PHOX2B: variants seen among roughly 807,000 people sequenced by gnomAD.
The protein encoded by PHOX2B is paired mesoderm homeobox protein 2B.
PHOX2B carries 1 observed loss-of-function variant against 15.5 expected under a neutral mutation model. The ratio of observed to expected loss-of-function variants is 0.06; its 90% CI spans 0.02 to 0.31. The LOEUF (loss-of-function observed/expected upper bound fraction) is 0.31, where lower values mean the gene tolerates loss of function less well. PHOX2B is among the 10% of genes least tolerant of loss of function. The probability of loss-of-function intolerance (pLI) is 1.00; values close to 1 mark genes in which losing one functional copy is unlikely to be tolerated. For synonymous variants in PHOX2B, 206 were observed against 190.5 expected (o/e 1.08, Z -0.67); for missense variants, 314 against 436.4 (o/e 0.72, Z 2.50).
intron 2 of PHOX2B, 49 bp downstream of exon 2, chr4:41,747,300 C>A: frequency 6.6e-7 from 1 of 1,512,786 alleles, no homozygotes; most frequent in African/African-American, 1.4e-5. Flanking sequence ...CACCCCACAC[C>A]TCCCCGGACC....
rs1157604917 is a variant in PHOX2B at position 41,744,296 on chromosome 4, T to C, written c.*1511A>G. On this transcript the variant is annotated 3_prime_UTR_variant, in exon 3 of 3. Transcript: ENST00000226382. ...AGAAATCAGACAGACATGCACCTGATAACAAAAATATATACCATTGTCTGA... is the reference window on the plus strand; with the variant it reads ...AGAAATCAGACAGACATGCACCTGACAACAAAAATATATACCATTGTCTGA... 8.8e-6 allele frequency: 2 copies of C among 226,834 alleles called. No individual in the cohort carries two copies. The highest frequency in any genetic ancestry group is 5.7e-5 in the Admixed American group (1 of 17,526). The allele number at this position is 226,834 out of a possible 1,614,324, so 14.1% of individuals were successfully genotyped here.
chr4:41,745,980 C>T lies in PHOX2B; in HGVS notation c.772G>A (p.Ala258Thr), dbSNP rs771759878. ...AAAAAAAAAA[A>T]AAGGLAAAGG... ...GCCGCAGCCAGGCCTCCAGCTGCCGCCGCTGCCGCTGCCGCCGCCGCCGCT... is the reference window on the plus strand; with the variant it reads ...GCCGCAGCCAGGCCTCCAGCTGCCGTCGCTGCCGCTGCCGCCGCCGCCGCT... The change falls in exon 3 of 3, where the codon GCG becomes ACG. Residue 258 changes from alanine to threonine, a missense_variant. Physicochemically the swap from Ala to Thr is moderately conservative, Grantham distance 58. Transcript: ENST00000226382. This position sits in a 1 kb window ranked among gnomAD's most constrained non-coding sequence, Gnocchi z 4.0. The T allele has an allele frequency of 8.0e-7, 1 of 1,257,658 alleles. No homozygotes were observed. The allele number at this position is 1,257,658 out of a possible 1,614,324, so 77.9% of individuals were successfully genotyped here. A position where few individuals can be genotyped will look rare whatever the true frequency, so the allele number is the denominator to read the frequency against.
rs1733984074 is a variant in PHOX2B, at chr4:41,748,482, C to A, written c.129G>T (p.Gln43His). 1 of 1,614,062 alleles carries A rather than the reference C, an allele frequency of 6.2e-7. No individual in the cohort carries two copies. Among genetic ancestry groups the A allele is most frequent in the African/African-American group, 1.3e-5 (1 of 74,924 alleles). ...FSSCSQASGF[Q>H]YNPIRTTFGA... ...CAAAAGTGGTCCTTATCGGGTTATA[C>A]TGGAAGCCACTGGCCTGGCTGCAGG... is the stretch of plus-strand genomic sequence containing the variant. The change falls in exon 1 of 3, where the codon CAG (glutamine) becomes CAT (histidine). Residue 43 changes from glutamine (Q) to histidine (H), a missense_variant. This residue lies in a region of PHOX2B where 102 missense variants were observed against 155.1 expected (regional missense o/e 0.66). Coordinates refer to ENST00000226382, the MANE Select transcript of PHOX2B (RefSeq NM_003924.4).
chr4:41,748,453 G>A lies in PHOX2B; in HGVS notation c.158C>T (p.Ala53Val), dbSNP rs1488529123. Reference sequence around the variant, plus strand: ...CGTGAGGGAAGGGCAGCCGGACGTGGCCCCAAAAGTGGTCCTTATCGGGTT... The same window carrying A: ...CGTGAGGGAAGGGCAGCCGGACGTGACCCCAAAAGTGGTCCTTATCGGGTT... ...QYNPIRTTFG[A>V]TSGCPSLTPG... The change falls in exon 1 of 3, where the codon GCC becomes GTC. Residue 53 changes from alanine to valine, a missense_variant. Physicochemically the swap from Ala to Val is moderately conservative, Grantham distance 64. Coordinates refer to ENST00000226382, the MANE Select transcript of PHOX2B (RefSeq NM_003924.4). 3.7e-6 allele frequency: 6 copies of A among 1,614,146 alleles called. No individual in the cohort carries two copies. Among genetic ancestry groups the A allele is most frequent in the Non-Finnish European group, 5.1e-6 (6 of 1,179,992 alleles).
Position 41,746,200 on chromosome 4 carries a change from G to A in PHOX2B, c.552C>T (p.Ser184=), listed in dbSNP as rs17885216. Reference sequence around the variant, plus strand: ...CCGGGTCAGTGCTCTTGGCCTCTTTGCTCTCGTCGTCCCTGGAAGAGTCAG... The same window carrying A: ...CCGGGTCAGTGCTCTTGGCCTCTTTACTCTCGTCGTCCCTGGAAGAGTCAG... The part of the protein sequence containing the change: ...KKSDSSRDDE[S]KEAKSTDPDS... The change falls in exon 3 of 3, where the codon AGC becomes AGT. Residue 184 remains serine (S), a synonymous_variant. Coordinates refer to ENST00000226382, the MANE Select transcript of PHOX2B (RefSeq NM_003924.4). The A allele has an allele frequency of 0.011, 18,048 of 1,613,744 alleles. 125 individuals are homozygous for A. Among genetic ancestry groups the A allele is most frequent in the Non-Finnish European group, 0.013 (14,950 of 1,179,872 alleles).
chr4:41,746,059 G>GC lies in PHOX2B; in HGVS notation c.692dup (p.Gly234ArgfsTer126). On this transcript the variant is annotated frameshift_variant, in exon 3 of 3. Transcript: ENST00000226382. LOFTEE classifies it low-confidence loss of function (END_TRUNC). The stretch of plus-strand genomic sequence containing the variant: ...CGCCCTTGCCGGGTTCGCCTCCCGG[G>GC]CCCCCGGGCCCCGCCGCCCCCGGAG... 2 of 1,350,076 alleles carry GC rather than the reference G, an allele frequency of 1.5e-6. No homozygotes were observed. The highest frequency in any genetic ancestry group is 1.9e-5 in the South Asian group (1 of 52,532). 83.6% of individuals were successfully genotyped at this position (1,350,076 alleles called of 1,614,324 possible).
At position 41,746,228 on chromosome 4, in the gene PHOX2B, T is replaced by A. The variant is rs1060501119; in HGVS notation, c.524A>T (p.Lys175Met). The change falls in exon 3 of 3, where the codon AAG becomes ATG. Residue 175 changes from lysine (K) to methionine (M), a missense_variant. Physicochemically the swap from Lys to Met is moderately conservative, Grantham distance 95 (BLOSUM62 -1). Coordinates refer to ENST00000226382, the MANE Select transcript of PHOX2B (RefSeq NM_003924.4). ...AAAKNGSSGKKSDSSRDDESK... is the reference protein window; with the variant it reads ...AAAKNGSSGKMSDSSRDDESK... ...CTCGTCGTCCCTGGAAGAGTCAGAC[T>A]TTTTGCCCGAGGAGCCGTTCTTGGC... 1.9e-6 allele frequency: 3 copies of A among 1,613,614 alleles called. No homozygotes were observed. Among genetic ancestry groups the A allele is most frequent in the Non-Finnish European group, 2.5e-6 (3 of 1,179,850 alleles).
intron 1 of PHOX2B, 75 bp from the exon 2 acceptor site, chr4:41,747,611 G>C (rs773277368): frequency 1.6e-6 from 2 of 1,257,996 alleles, no homozygotes; most frequent in Admixed American, 3.4e-5. Flanking sequence ...AGAATGTGAG[G>C]ACTCCAAGGT....
chr4:41,746,320 C>T lies in PHOX2B; in HGVS notation c.432G>A (p.Val144=). 1 of 1,613,776 alleles carries T rather than the reference C, an allele frequency of 6.2e-7. No individual in the cohort carries two copies. The highest frequency in any genetic ancestry group is 8.5e-7 in the Non-Finnish European group (1 of 1,179,874). Residue 144 remains valine (V), a splice_region_variant and synonymous_variant, in exon 3 of 3, where the codon GTG becomes GTA. Coordinates refer to ENST00000226382, the MANE Select transcript of PHOX2B (RefSeq NM_003924.4). ...ACTTGGCGCGGCGGTTCTGGAACCA[C>T]ACCTGGCCCAAGACGGAAGGAGAGA... is the stretch of plus-strand genomic sequence containing the variant. ...KIDLTEARVQ[V]WFQNRRAKFR...
Position 41,745,118 on chromosome 4 carries a change from T to C in PHOX2B, c.*689A>G. On this transcript the variant is annotated 3_prime_UTR_variant, in exon 3 of 3. Transcript: ENST00000226382. The surrounding 1 kb of genome is among the most constrained non-coding windows in gnomAD (Gnocchi z 4.0). The stretch of plus-strand genomic sequence containing the variant: ...CCAAGGACACGATAGGAAGGGGGGC[T>C]GGAACGGCGTCCCTACTCTTCCCTG... 1 of 228,554 alleles carries C rather than the reference T, an allele frequency of 4.4e-6. No homozygotes were observed. The highest frequency in any genetic ancestry group is 8.5e-6 in the Non-Finnish European group (1 of 117,254). 14.2% of individuals were successfully genotyped at this position (228,554 alleles called of 1,614,324 possible). A position where few individuals can be genotyped will look rare whatever the true frequency, so the allele number is the denominator to read the frequency against.
intron 1 of PHOX2B, among the ~76,000 whole-genome samples, chr4:41,748,037 A>T (rs1220576335): frequency 6.6e-6 from 1 of 152,076 alleles, no homozygotes; most frequent in Non-Finnish European, 1.5e-5. Flanking sequence ...GTCGGTTCTT[A>T]AAAAAAGAGA....
intron 2 of PHOX2B, among the ~76,000 whole-genome samples, chr4:41,747,089 C>T (rs1319864865): frequency 6.6e-6 from 1 of 152,198 alleles, no homozygotes; most frequent in Non-Finnish European, 1.5e-5. Context: ...GAAATTGCAT[C>T]GCTCATCCAC....
Position 41,746,253 on chromosome 4 carries a change from C to T in PHOX2B, c.499G>A (p.Ala167Thr), listed in dbSNP as rs1338837491. The change falls in exon 3 of 3, where the codon GCC becomes ACC. Residue 167 changes from alanine (A) to threonine (T), a missense_variant. This residue lies in a region of PHOX2B where 31 missense variants were observed against 29.6 expected (regional missense o/e 1.05). Transcript: ENST00000226382. Reference protein sequence around the residue: ...ERAAAAAAAAAKNGSSGKKSD... With the variant: ...ERAAAAAAAATKNGSSGKKSD... ...TTTTTGCCCGAGGAGCCGTTCTTGGCCGCGGCCGCTGCGGCTGCCGCTGCG... is the reference window on the plus strand; with the variant it reads ...TTTTTGCCCGAGGAGCCGTTCTTGGTCGCGGCCGCTGCGGCTGCCGCTGCG... The T allele has an allele frequency of 1.2e-6, 2 of 1,613,866 alleles. No homozygotes were observed. Among genetic ancestry groups the T allele is most frequent in the Non-Finnish European group, 1.7e-6 (2 of 1,179,902 alleles).
Position 41,744,699 on chromosome 4 carries a change from T to G in PHOX2B, c.*1108A>C, listed in dbSNP as rs1000549328. 4.3e-5 allele frequency: 10 copies of G among 231,474 alleles called. No homozygotes were observed. The highest frequency in any genetic ancestry group is 6.7e-5 in the African/African-American group (3 of 44,862). 14.3% of individuals were successfully genotyped at this position (231,474 alleles called of 1,614,324 possible). A position where few individuals can be genotyped will look rare whatever the true frequency, so the allele number is the denominator to read the frequency against. ...GCAAACCGAGACACCCCTGCAAACG[T>G]GTGTGTGTGCCTTTTCCTTGCTCGG... On this transcript the variant is annotated 3_prime_UTR_variant, in exon 3 of 3. Transcript: ENST00000226382.
At chr4:41,747,655 CGA>C (rs766220965) in intron 1 of PHOX2B, 119 bp from the exon 2 acceptor site, 16 of 815,508 alleles carry the variant, frequency 2.0e-5, no homozygotes, top group East Asian at 9.9e-5. Context: ...TACACCCGCG[CGA>C]GAGAGTTGCC....
Position 41,745,651 on chromosome 4 carries a change from T to C in PHOX2B, c.*156A>G. On this transcript the variant is annotated 3_prime_UTR_variant, in exon 3 of 3. Coordinates refer to ENST00000226382, the MANE Select transcript of PHOX2B (RefSeq NM_003924.4). This position sits in a 1 kb window ranked among gnomAD's most constrained non-coding sequence, Gnocchi z 4.0. ...GGTTGAAATGAGGGCGACGCCGTTTTCCCTTTATTCTTAGCGCGATTACTT... is the reference window on the plus strand; with the variant it reads ...GGTTGAAATGAGGGCGACGCCGTTTCCCCTTTATTCTTAGCGCGATTACTT... The C allele has an allele frequency of 1.1e-6, 1 of 896,062 alleles. No individual in the cohort carries two copies. The highest frequency in any genetic ancestry group is 1.6e-6 in the Non-Finnish European group (1 of 623,722). The allele number at this position is 896,062 out of a possible 1,614,324, so 55.5% of individuals were successfully genotyped here.
In PHOX2B at chr4:41,746,251, G is replaced by GGCCGCGGCCGCTGCGGCT. The variant is rs1733896852; in HGVS notation, c.483_500dup (p.Ala162_Ala167dup). On this transcript the variant is annotated inframe_insertion, in exon 3 of 3. Transcript: ENST00000226382. ...ACTTTTTGCCCGAGGAGCCGTTCTT[G>GGCCGCGGCCGCTGCGGCT]GCCGCGGCCGCTGCGGCTGCCGCTG... 1 of 1,613,612 alleles carries GGCCGCGGCCGCTGCGGCT rather than the reference G, an allele frequency of 6.2e-7. No individual in the cohort carries two copies. Among genetic ancestry groups the GGCCGCGGCCGCTGCGGCT allele is most frequent in the Non-Finnish European group, 8.5e-7 (1 of 1,179,822 alleles).
rs936469212 is a variant in PHOX2B at position 41,746,076 on chromosome 4, C to T, written c.676G>A (p.Ala226Thr). The T allele has an allele frequency of 1.0e-5, 15 of 1,478,730 alleles. No individual in the cohort carries two copies. The highest frequency in any genetic ancestry group is 2.2e-5 in the Admixed American group (1 of 44,646). The allele number at this position is 1,478,730 out of a possible 1,614,324, so 91.6% of individuals were successfully genotyped here. A position where few individuals can be genotyped will look rare whatever the true frequency, so the allele number is the denominator to read the frequency against. ...GGPSPAGAPG[A>T]AGPGGPGGEP... ...CCTCCCGGGCCCCCGGGCCCCGCCG[C>T]CCCCGGAGCTCCAGCCGGGCTGGGC... The change falls in exon 3 of 3, where the codon GCG becomes ACG. Residue 226 changes from alanine to threonine, a missense_variant. By Grantham distance (58) the Ala-to-Thr change is moderately conservative. Around this residue, in one of 7 missense-constraint regions of PHOX2B, gnomAD observed 157 missense variants for 169.0 expected, o/e 0.93. Transcript: ENST00000226382.
rs1181858054 is a variant in PHOX2B, at chr4:41,745,160, GA to G, written c.*646del. 3 of 233,096 alleles carry G rather than the reference GA, an allele frequency of 1.3e-5. No individual in the cohort carries two copies. The highest frequency in any genetic ancestry group is 2.5e-5 in the Non-Finnish European group (3 of 118,052). The allele number at this position is 233,096 out of a possible 1,614,324, so 14.4% of individuals were successfully genotyped here. ...TCTTCCCTGAAGAAGAGCCCCAAGAGAATCCGTGCTGTTAGGAGGGAGCGGA... is the reference window on the plus strand; with the variant it reads ...TCTTCCCTGAAGAAGAGCCCCAAGAGATCCGTGCTGTTAGGAGGGAGCGGA... On this transcript the variant is annotated 3_prime_UTR_variant, in exon 3 of 3. Transcript: ENST00000226382. The surrounding 1 kb of genome is among the most constrained non-coding windows in gnomAD (Gnocchi z 4.0).
Sources: allele counts gnomAD v4.1 joint callset (sites outside exome capture counted in the v4.1 genomes callset), GRCh38; gene constraint gnomAD v4.1.1; regional missense constraint gnomAD v4.1.1; non-coding constraint Gnocchi (gnomAD v3.1); transcripts MANE v1.5; gene names NCBI Gene and HGNC (gene_info 2026-07-23, HGNC 2026-07-21).